NIN: variants seen among roughly 807,000 people sequenced by gnomAD.
NIN encodes glycogen synthase kinase 3 beta-interacting protein.
A neutral mutation model predicts 257.6 loss-of-function variants in NIN; 137 were observed. The ratio of observed to expected loss-of-function variants is 0.53; its 90% CI spans 0.46 to 0.61. The LOEUF (loss-of-function observed/expected upper bound fraction) is 0.61. Among genes scored for constraint, NIN ranks in the 20% least tolerant of loss-of-function variants. The pLI, the probability that NIN is intolerant of heterozygous loss-of-function variation, is 0.00. For synonymous variants in NIN, 918 were observed against 919.8 expected, an observed-to-expected ratio of 1.00 and a Z score of 0.04; for missense variants, 2,439 against 2,501.2, an observed-to-expected ratio of 0.98 and a Z score of 0.53.
intron 24 of NIN, 103 bp from the exon 25 acceptor site, chr14:50,741,831 G>T (rs2041299450): frequency 2.3e-6 from 3 of 1,331,446 alleles, no homozygotes; most frequent in African/African-American, 2.9e-5. Context: ...AAGTCTGTTT[G>T]TTTCTCTTTA....
intron 15 of NIN, among the ~76,000 whole-genome samples, 172 bp downstream of exon 15, chr14:50,763,654 G>C (rs2042357862): frequency 6.6e-6 from 1 of 151,534 alleles, no homozygotes; most frequent in African/African-American, 2.4e-5. Flanking sequence ...AAAACTTCAA[G>C]GACAAATGAA....
chr14:50,782,808 A>G lies in NIN; in HGVS notation c.436-4004T>C, dbSNP rs571593350. Among the ~76,000 whole-genome samples the G allele has an allele frequency of 8.5e-5, 13 of 152,284 alleles. No homozygotes were observed. In the East Asian group the frequency reaches 1.7e-3, roughly 20 times the overall value. On this transcript the variant is annotated intron_variant, in intron 5 of 30. Coordinates refer to ENST00000530997, the MANE Select transcript of NIN (RefSeq NM_020921.4). ...CAGCATCTCCCCCATATTATGACAG[A>G]TGAGGCGGTTTGGTGGGAAGCCCAG...
In NIN at chr14:50,760,061, G is replaced by T. The variant is rs1296584808; in HGVS notation, c.2195C>A (p.Thr732Lys). Reference protein sequence around the residue: ...QHEMELKARLTQAQASFERER... With the variant: ...QHEMELKARLKQAQASFERER... ...CCGCTCAAAGCTTGCTTGAGCCTGT[G>T]TCAGTCTAGCCTTGAGCTCCATCTC... Residue 732 changes from threonine to lysine, a missense_variant, in exon 17 of 31, where the codon ACA (threonine) becomes AAA (lysine). By Grantham distance (78) the Thr-to-Lys change is moderately conservative. Transcript: ENST00000530997. 6.2e-7 allele frequency: 1 copy of T among 1,614,170 alleles called. No homozygotes were observed. The highest frequency in any genetic ancestry group is 8.5e-7 in the Non-Finnish European group (1 of 1,180,032).
chr14:50,784,456 C>T (rs568664772), intron 5 of NIN, among the ~76,000 whole-genome samples: 1 of 152,328 alleles, frequency 6.6e-6, no homozygotes, highest in South Asian at 2.1e-4. Flanking sequence ...TGATGGTGTG[C>T]TTCACATTTG....
intron 25 of NIN, among the ~76,000 whole-genome samples, chr14:50,740,411 C>T (rs911746666): frequency 6.6e-5 from 10 of 151,806 alleles, no homozygotes; most frequent in African/African-American, 1.5e-4. Context: ...TGCAGTGGCA[C>T]GATCTTGGCT....
rs1424836997 is a variant in NIN, at chr14:50,763,979, C to G, written c.1636-15G>C. 6.2e-7 allele frequency: 1 copy of G among 1,609,884 alleles called. No individual in the cohort carries two copies. Among genetic ancestry groups the G allele is most frequent in the South Asian group, 1.1e-5 (1 of 90,834 alleles). Reference sequence around the variant, plus strand: ...TCTTGTAGTACCTGGGATTTAAAAACCAACACTGGTCTTAGATGTGACACC... The same window carrying G: ...TCTTGTAGTACCTGGGATTTAAAAAGCAACACTGGTCTTAGATGTGACACC... On this transcript the variant is annotated splice_polypyrimidine_tract_variant and intron_variant, in intron 14 of 30. Coordinates refer to ENST00000530997, the MANE Select transcript of NIN (RefSeq NM_020921.4).
At chr14:50,811,125 T>C (rs1233435824) in intron 3 of NIN, among the ~76,000 whole-genome samples, 1 of 151,658 alleles carries the variant, frequency 6.6e-6, no homozygotes, top group Non-Finnish European at 1.5e-5. Flanking sequence ...TTTTTTTTTT[T>C]CAGATGGAGG....
At chr14:50,738,845 C>T (rs933076146) in intron 26 of NIN, among the ~76,000 whole-genome samples, 9 of 152,160 alleles carry the variant, frequency 5.9e-5, no homozygotes, top group Admixed American at 3.9e-4. Flanking sequence ...CATTGGGAGA[C>T]TATGCAGCAG....
At chr14:50,790,150 G>A (rs190845477) in intron 5 of NIN, among the ~76,000 whole-genome samples, 22 of 152,276 alleles carry the variant, frequency 1.4e-4, no homozygotes, top group African/African-American at 4.6e-4. Context: ...TGTCTCTTGG[G>A]TTCAAGCAAT....
In NIN at chr14:50,770,880, T is replaced by C; in HGVS notation, c.1231A>G (p.Ile411Val). The change falls in exon 11 of 31, where the codon ATA (isoleucine) becomes GTA (valine). Residue 411 changes from isoleucine (I) to valine (V), a missense_variant. By Grantham distance (29) the Ile-to-Val change is conservative. This residue lies in a region of NIN where 2,043 missense variants were observed against 2,050.2 expected (regional missense o/e 1.00). Coordinates refer to ENST00000530997, the MANE Select transcript of NIN (RefSeq NM_020921.4). ...AGGTTGTACTCATTCCGCCGCTCTA[T>C]GGCCGCATGGTGATCATCCACCTCC... is the stretch of plus-strand genomic sequence containing the variant. ...ASEVDDHHAA[I>V]ERRNEYNLRK... 1.2e-6 allele frequency: 2 copies of C among 1,614,114 alleles called. No individual in the cohort carries two copies. Among genetic ancestry groups the C allele is most frequent in the Non-Finnish European group, 8.5e-7 (1 of 1,180,018 alleles).
At chr14:50,761,257 G>A (rs1472322871) in intron 16 of NIN, among the ~76,000 whole-genome samples, 1 of 152,184 alleles carries the variant, frequency 6.6e-6, no homozygotes, top group African/African-American at 2.4e-5. Context: ...AAATCCTGAA[G>A]GGTAAGTAGA....
intron 4 of NIN, among the ~76,000 whole-genome samples, chr14:50,795,709 G>A (rs1484411300): frequency 1.3e-5 from 2 of 152,210 alleles, no homozygotes; most frequent in African/African-American, 2.4e-5. Flanking sequence ...ATTAAGAAAC[G>A]AAATTATTGA....
intron 5 of NIN, among the ~76,000 whole-genome samples, chr14:50,790,981 G>A (rs2043566122): frequency 6.6e-6 from 1 of 152,020 alleles, no homozygotes; most frequent in Non-Finnish European, 1.5e-5. Flanking sequence ...AGAAACTCAT[G>A]TCAAAAAAAA....
At chr14:50,767,551 C>T (rs973933072) in intron 12 of NIN, among the ~76,000 whole-genome samples, 1 of 152,170 alleles carries the variant, frequency 6.6e-6, no homozygotes, top group Non-Finnish European at 1.5e-5. Flanking sequence ...GGCATAGTGG[C>T]TCACGCCTGT....
intron 7 of NIN, 132 bp from the exon 8 acceptor site, chr14:50,773,227 CTCA>C: frequency 1.7e-6 from 1 of 584,422 alleles, no homozygotes; most frequent in Non-Finnish European, 2.9e-6. Flanking sequence ...CCCCTTTATT[CTCA>C]CTTTACTGGT....
intron 3 of NIN, among the ~76,000 whole-genome samples, chr14:50,808,885 T>C (rs374324328): frequency 6.6e-6 from 1 of 152,230 alleles, no homozygotes; most frequent in African/African-American, 2.4e-5. Flanking sequence ...CCAATAGCTA[T>C]AGTAATAGGG....
At position 50,778,802 on chromosome 14, in the gene NIN, G is replaced by A. The variant is rs961430593; in HGVS notation, c.438C>T (p.His146=). ...SHIPAGDCSE[H]WKTQRSEEYE... ...ACTCCTCACTGCGTTGCGTCTTCCAGTGCTAGAGAAGGCAAGAGAAGATTA... is the reference window on the plus strand; with the variant it reads ...ACTCCTCACTGCGTTGCGTCTTCCAATGCTAGAGAAGGCAAGAGAAGATTA... The change falls in exon 6 of 31, where the codon CAC becomes CAT. Residue 146 remains histidine (H), a splice_region_variant and synonymous_variant. Coordinates refer to ENST00000530997, the MANE Select transcript of NIN (RefSeq NM_020921.4). 14 of 1,613,944 alleles carry A rather than the reference G, an allele frequency of 8.7e-6. No individual in the cohort carries two copies. The Middle Eastern group carries it at 4.9e-4, about 57-fold the overall frequency.
rs2040293182 is a variant in NIN, at chr14:50,722,627, A to G, written c.*836T>C. 2 of 214,474 alleles carry G rather than the reference A, an allele frequency of 9.3e-6. No homozygotes were observed. Among genetic ancestry groups the G allele is most frequent in the Non-Finnish European group, 1.9e-5 (2 of 105,770 alleles). 13.3% of individuals were successfully genotyped at this position (214,474 alleles called of 1,614,324 possible). A position where few individuals can be genotyped will look rare whatever the true frequency, so the allele number is the denominator to read the frequency against. ...AAGATTTGAGAGACAGAAAACCTACATGGTCTGCTTATCCCTCTTTTCTAA... is the reference window on the plus strand; with the variant it reads ...AAGATTTGAGAGACAGAAAACCTACGTGGTCTGCTTATCCCTCTTTTCTAA... On this transcript the variant is annotated 3_prime_UTR_variant, in exon 31 of 31. Coordinates refer to ENST00000530997, the MANE Select transcript of NIN (RefSeq NM_020921.4).
chr14:50,731,385 C>T (rs191459564), intron 28 of NIN, among the ~76,000 whole-genome samples: 1 of 151,812 alleles, frequency 6.6e-6, no homozygotes, highest in Non-Finnish European at 1.5e-5. Context: ...CAAAAATTAC[C>T]CAGGCATGGT....
Sources: gnomAD v4.1 joint callset for allele counts (sites outside exome capture counted in the v4.1 genomes callset) on GRCh38, gnomAD v4.1.1 for gene constraint, gnomAD v4.1.1 regional missense constraint, MANE v1.5 for transcripts, NCBI Gene and HGNC (gene_info 2026-07-23, HGNC 2026-07-21) for gene names.